Variants in TLR5 observed in about 807,000 individuals in gnomAD.
The protein encoded by TLR5 is toll like receptor 5.
For missense variants in TLR5, 944 were observed against 999.8 expected, an observed-to-expected ratio of 0.94 and a Z score of 0.75; for synonymous variants, 373 against 384.4, an observed-to-expected ratio of 0.97 and a Z score of 0.35.
Position 223,112,074 on chromosome 1 carries a change from C to T in TLR5, c.958G>A (p.Ala320Thr). The T allele has an allele frequency of 1.2e-6, 2 of 1,614,214 alleles. No individual in the cohort carries two copies. The highest frequency in any genetic ancestry group is 1.7e-6 in the Non-Finnish European group (2 of 1,180,034). Residue 320 changes from alanine to threonine, a missense_variant, in exon 6 of 6, where the codon GCC becomes ACC. Physicochemically the swap from Ala to Thr is moderately conservative, Grantham distance 58 (BLOSUM62 0). Transcript: ENST00000642603. ...TLKDLKVLNL[A>T]YNKINKIADE... ...GCAATCTTATTTATCTTGTTGTAGGCAAGGTTCAGAACCTTCAAATCCTTG... is the reference window on the plus strand; with the variant it reads ...GCAATCTTATTTATCTTGTTGTAGGTAAGGTTCAGAACCTTCAAATCCTTG...
intron 3 of TLR5, among the ~76,000 whole-genome samples, chr1:223,135,429 T>G (rs1027063141): frequency 2.0e-5 from 3 of 152,250 alleles, no homozygotes; most frequent in African/African-American, 7.2e-5. Context: ...AGCTAGTTGA[T>G]TTGGCTCCAA....
intron 5 of TLR5, among the ~76,000 whole-genome samples, chr1:223,117,737 TC>T (rs1656749324): frequency 1.3e-5 from 2 of 152,152 alleles, no homozygotes; most frequent in Admixed American, 1.3e-4. Flanking sequence ...GACAGCTGCC[TC>T]CTAGGAAACT....
rs114199450 is a variant in TLR5 at position 223,126,585 on chromosome 1, T to G, written c.-5+5890A>C. On this transcript the variant is annotated intron_variant, in intron 5 of 5. Coordinates refer to ENST00000642603, the MANE Select transcript of TLR5 (RefSeq NM_003268.6). ...CAAACTGGACTTCTCAATATTCCAG[T>G]TCCACAGGCCTCTGAGGCCTGGAAA... 8.7e-3 allele frequency among the ~76,000 whole-genome samples: 1,325 copies of G among 152,266 alleles called. 19 individuals are homozygous for G. The highest frequency in any genetic ancestry group is 0.03 in the African/African-American group (1,262 of 41,550).
chr1:223,141,820 TATAGAGAGAGAG>T (rs1657878362), intron 1 of TLR5, 57 bp from the exon 2 acceptor site: 5 of 43,886 alleles, frequency 1.1e-4, no homozygotes, highest in East Asian at 1.1e-3. Flanking sequence ...TATATATATA[TATAGAGAGAGAG>T]AGAGAGAGAG....
In TLR5 at chr1:223,110,592, G is replaced by T; in HGVS notation, c.2440C>A (p.Gln814Lys). 1 of 1,614,158 alleles carries T rather than the reference G, an allele frequency of 6.2e-7. No homozygotes were observed. The highest frequency in any genetic ancestry group is 8.5e-7 in the Non-Finnish European group (1 of 1,180,032). The change falls in exon 6 of 6, where the codon CAG (glutamine) becomes AAG (lysine). Residue 814 changes from glutamine to lysine, a missense_variant. Physicochemically the swap from Gln to Lys is moderately conservative, Grantham distance 53. Coordinates refer to ENST00000642603, the MANE Select transcript of TLR5 (RefSeq NM_003268.6). ...AGATCCTCAGGCCACCTCAAATACT[G>T]CTGTTTCTGTACAAAGCCTCTGATG... ...QSIRGFVQKQ[Q>K]YLRWPEDLQD...
chr1:223,111,739 T>A lies in TLR5; in HGVS notation c.1293A>T (p.Ser431=). Residue 431 remains serine (S), a synonymous_variant, in exon 6 of 6, where the codon TCA becomes TCT. Coordinates refer to ENST00000642603, the MANE Select transcript of TLR5 (RefSeq NM_003268.6). ...TATCTAGATTTTCTAGCCTGTTTTC[T>A]GATAAGTGGATGAGGTTCGCTGTAA... The part of the protein sequence containing the change: ...INLTANLIHL[S]ENRLENLDIL... The A allele has an allele frequency of 3.1e-6, 5 of 1,614,178 alleles. No homozygotes were observed. Among genetic ancestry groups the A allele is most frequent in the Non-Finnish European group, 4.2e-6 (5 of 1,180,030 alleles).
chr1:223,124,447 C>CAAAAAAAA (rs71178531), intron 5 of TLR5, among the ~76,000 whole-genome samples: 2 of 141,650 alleles, frequency 1.4e-5, no homozygotes, highest in Non-Finnish European at 3.0e-5. Flanking sequence ...CCGTCTAAAA[C>CAAAAAAAA]AAAAAAAAAA....
intron 5 of TLR5, among the ~76,000 whole-genome samples, chr1:223,120,112 G>A (rs1366670885): frequency 1.3e-5 from 2 of 151,526 alleles, no homozygotes; most frequent in Non-Finnish European, 2.9e-5. Context: ...TTGAGAGGGC[G>A]CTGCACAGTT....
At chr1:223,132,705 T>C (rs890506988) in intron 4 of TLR5, 66 bp from the exon 5 acceptor site, 1 of 152,378 alleles carries the variant, frequency 6.6e-6, no homozygotes, top group Non-Finnish European at 1.5e-5. Context: ...TATTTTTCTA[T>C]GCCATACAGC....
chr1:223,137,486 C>A (rs549816276), intron 2 of TLR5, among the ~76,000 whole-genome samples: 1 of 152,274 alleles, frequency 6.6e-6, no homozygotes, highest in East Asian at 1.9e-4. Flanking sequence ...AAATGCCTGA[C>A]TAGCACTATT....
chr1:223,136,331 C>T (rs1205357906), intron 3 of TLR5, among the ~76,000 whole-genome samples: 1 of 152,176 alleles, frequency 6.6e-6, no homozygotes, highest in Non-Finnish European at 1.5e-5. Context: ...CAGGAGATAC[C>T]TGCACCCGAG....
intron 5 of TLR5, among the ~76,000 whole-genome samples, chr1:223,120,195 G>C (rs556745767): frequency 1.3e-5 from 2 of 152,006 alleles, no homozygotes; most frequent in South Asian, 4.2e-4. Flanking sequence ...ATCCAGGAGG[G>C]ATTTAATTAA....
chr1:223,114,992 A>G (rs138251217), intron 5 of TLR5, among the ~76,000 whole-genome samples: 1 of 152,106 alleles, frequency 6.6e-6, no homozygotes, highest in Admixed American at 6.6e-5. Flanking sequence ...GAGACTCCTC[A>G]CTGGCTCTCT....
In TLR5 at chr1:223,110,736, C is replaced by T; in HGVS notation, c.2296G>A (p.Gly766Ser). 6.2e-7 allele frequency: 1 copy of T among 1,614,196 alleles called. No individual in the cohort carries two copies. The highest frequency in any genetic ancestry group is 8.5e-7 in the Non-Finnish European group (1 of 1,180,030). ...CLVSRHFLRD[G>S]WCLEAFSYAQ... The stretch of plus-strand genomic sequence containing the variant: ...TAACTGAAGGCTTCAAGGCACCAGC[C>T]ATCTCTAAGGAAGTGTCTGCTCACA... Residue 766 changes from glycine (G) to serine (S), a missense_variant, in exon 6 of 6, where the codon GGC becomes AGC. Gly to Ser is a moderately conservative substitution (Grantham distance 56). Transcript: ENST00000642603.
At chr1:223,129,369 G>A (rs1273631336) in intron 5 of TLR5, 5 of 152,446 alleles carry the variant, frequency 3.3e-5, no homozygotes, top group African/African-American at 1.2e-4. Flanking sequence ...GGTTCACCAC[G>A]TTGCTCTTGC....
chr1:223,118,255 T>A (rs760885262), intron 5 of TLR5, among the ~76,000 whole-genome samples: 4 of 152,116 alleles, frequency 2.6e-5, no homozygotes, highest in Non-Finnish European at 5.9e-5. Flanking sequence ...TTGAAAGAGT[T>A]ATCAATAGAG....
intron 2 of TLR5, among the ~76,000 whole-genome samples, chr1:223,140,546 C>A (rs936842323): frequency 0.011 from 1,318 of 122,026 alleles, no homozygotes; most frequent in Middle Eastern, 0.017. Context: ...GACTCTGTCT[C>A]AAAAAAAAAA....
chr1:223,139,778 C>T (rs1173818415), intron 2 of TLR5, among the ~76,000 whole-genome samples: 1 of 152,180 alleles, frequency 6.6e-6, no homozygotes, highest in Non-Finnish European at 1.5e-5. Context: ...CTGCATTACA[C>T]TCAGACTCCT....
chr1:223,117,290 C>G (rs1656715229), intron 5 of TLR5, among the ~76,000 whole-genome samples: 1 of 152,010 alleles, frequency 6.6e-6, no homozygotes, highest in Admixed American at 6.6e-5. Flanking sequence ...CGTGAGCACC[C>G]CAGCCCTGGT....
Sources: allele counts gnomAD v4.1 joint callset (sites outside exome capture counted in the v4.1 genomes callset), GRCh38; gene constraint gnomAD v4.1.1; transcripts MANE v1.5; gene names NCBI Gene and HGNC (gene_info 2026-07-23, HGNC 2026-07-21).